The following LY6S variants were observed in gnomAD, a reference collection of about 807,000 sequenced individuals.
LY6S encodes the protein lymphocyte antigen 6 family member S.
At chr8:143,046,396 T>C in the LY6S span, among the ~76,000 whole-genome samples, 1 of 151,678 alleles carries the variant, frequency 6.6e-6, no homozygotes, top group Non-Finnish European at 1.5e-5. Context: ...CCTAACATAG[T>C]GAAACCCCAT....
the LY6S span, among the ~76,000 whole-genome samples, chr8:143,043,836 C>T: frequency 1.2e-4 from 19 of 152,318 alleles, no homozygotes; most frequent in South Asian, 8.3e-4. Context: ...CCACCAGGCC[C>T]GGCTAATTTT....
chr8:143,066,533 G>A, the LY6S span: 1 of 296,076 alleles, frequency 3.4e-6, no homozygotes. Flanking sequence ...CGAATCGGCT[G>A]CACATGGCTG....
chr8:143,048,495 CAG>C, the LY6S span, among the ~76,000 whole-genome samples: 2 of 132,652 alleles, frequency 1.5e-5, no homozygotes, highest in Non-Finnish European at 3.1e-5. Context: ...TTTTTTGAGA[CAG>C]AGTCTCTTTT....
the LY6S span, chr8:143,043,062 C>T: frequency 2.9e-6 from 4 of 1,367,736 alleles, no homozygotes; most frequent in African/African-American, 4.4e-5. Context: ...CAAAACCAAG[C>T]AGCTGGTGAC....
chr8:143,070,446 G>GTATATATATATATAATA, the LY6S span, among the ~76,000 whole-genome samples: 1 of 69,536 alleles, frequency 1.4e-5, no homozygotes, highest in Admixed American at 2.2e-4. Flanking sequence ...TATATATATT[G>GTATATATATATATAATA]TATATATATA....
the LY6S span, among the ~76,000 whole-genome samples, chr8:143,070,462 ATAAT>A: frequency 2.3e-5 from 1 of 43,174 alleles, no homozygotes; most frequent in African/African-American, 7.6e-5. Context: ...ATATATATAT[ATAAT>A]ATATATATAA....
At chr8:143,042,145 C>T in the LY6S span, 1 of 149,570 alleles carries the variant, frequency 6.7e-6, no homozygotes, top group Non-Finnish European at 1.5e-5. Context: ...CTCAGCCCAG[C>T]CCTGACTCCA....
chr8:143,069,274 A>T, the LY6S span, among the ~76,000 whole-genome samples: 2 of 152,192 alleles, frequency 1.3e-5, no homozygotes, highest in African/African-American at 4.8e-5. Context: ...GCTGGTCTTC[A>T]AAATGCATTT....
the LY6S span, chr8:143,043,366 C>G: frequency 1.4e-6 from 1 of 729,834 alleles, no homozygotes; most frequent in Non-Finnish European, 2.0e-6. Context: ...GGGGGATGAG[C>G]AGGGCCCTGC....
chr8:143,071,965 T>C, the LY6S span, among the ~76,000 whole-genome samples: 1 of 152,164 alleles, frequency 6.6e-6, no homozygotes, highest in South Asian at 2.1e-4. Context: ...CAACACACCA[T>C]CTAACACAAC....
the LY6S span, among the ~76,000 whole-genome samples, chr8:143,065,744 CTCTTTCTTTCTTTCTTTCTTTCT>C: frequency 4.8e-5 from 5 of 103,574 alleles, no homozygotes; most frequent in African/African-American, 9.9e-5. Flanking sequence ...CTCTTTCTTT[CTCTTTCTTTCTTTCTTTCTTTCT>C]TTTCTCTTTC....
At chr8:143,072,728 T>G in the LY6S span, among the ~76,000 whole-genome samples, 1 of 132,500 alleles carries the variant, frequency 7.5e-6, no homozygotes, top group Admixed American at 7.5e-5. Flanking sequence ...TCGGGATTCC[T>G]GTTTGAGGAG....
At chr8:143,069,825 C>T in the LY6S span, among the ~76,000 whole-genome samples, 1 of 152,206 alleles carries the variant, frequency 6.6e-6, no homozygotes, top group Non-Finnish European at 1.5e-5. Context: ...ACACCTGAAC[C>T]TGTGGCGTCT....
At chr8:143,075,177 TG>T in the LY6S span, among the ~76,000 whole-genome samples, 3 of 152,236 alleles carry the variant, frequency 2.0e-5, no homozygotes, top group Admixed American at 6.5e-5. This position sits in a 1 kb window ranked among gnomAD's most constrained non-coding sequence, Gnocchi z 4.1. Flanking sequence ...GTCTAATTTT[TG>T]TTCCTTCAAA....
the LY6S span, among the ~76,000 whole-genome samples, chr8:143,052,889 T>C: frequency 6.6e-6 from 1 of 152,236 alleles, no homozygotes; most frequent in African/African-American, 2.4e-5. Context: ...AAATGACTTA[T>C]GGGAGACCCT....
At chr8:143,059,182 C>T in the LY6S span, among the ~76,000 whole-genome samples, 1 of 152,174 alleles carries the variant, frequency 6.6e-6, no homozygotes, top group Non-Finnish European at 1.5e-5. Context: ...TCATGAGCCA[C>T]CGTATGCGGC....
the LY6S span, among the ~76,000 whole-genome samples, chr8:143,073,024 C>T: frequency 6.3e-3 from 143 of 22,612 alleles, 1 homozygote; most frequent in Middle Eastern, 0.045. Flanking sequence ...GCCGTCGTCC[C>T]CGGGGTCCCT....
chr8:143,067,111 A>G, the LY6S span, among the ~76,000 whole-genome samples: 2 of 152,188 alleles, frequency 1.3e-5, no homozygotes, highest in Non-Finnish European at 2.9e-5. Context: ...ATTGTTTAAA[A>G]GAGTGAGGTG....
At chr8:143,044,041 G>A in the LY6S span, 1 of 405,440 alleles carries the variant, frequency 2.5e-6, no homozygotes, top group South Asian at 1.8e-5. Context: ...AGCTCCGAGA[G>A]CTGAGGGTGC....
Sources: gnomAD v4.1 joint callset for allele counts (sites outside exome capture counted in the v4.1 genomes callset) on GRCh38, gnomAD v4.1.1 for gene constraint, Gnocchi (gnomAD v3.1) non-coding constraint, MANE v1.5 for transcripts, NCBI Gene and HGNC (gene_info 2026-07-23, HGNC 2026-07-21) for gene names.